Variants in ZDHHC14 observed in about 807,000 individuals in gnomAD.
ZDHHC14 encodes zDHHC palmitoyltransferase 14, also known as palmitoyltransferase ZDHHC14.
ZDHHC14 carries 16 observed loss-of-function variants against 47.7 expected under a neutral mutation model. That is an observed-to-expected ratio of 0.34 (90% CI 0.23 to 0.51). The LOEUF is 0.51. Among genes scored for constraint, ZDHHC14 ranks in the 20% least tolerant of loss-of-function variants. The probability of loss-of-function intolerance (pLI) is 0.97; values close to 1 mark genes in which losing one functional copy is unlikely to be tolerated. For synonymous variants in ZDHHC14, 293 were observed against 278.9 expected (o/e 1.05, Z -0.50); for missense variants, 515 against 662.5 (o/e 0.78, Z 2.44).
In ZDHHC14 at chr6:157,458,849, A is replaced by ATTTTTTTTTTTTTTTTTTTTTTTTTTT. The variant is rs750975822; in HGVS notation, c.245+76605_245+76606insTTTTTTTTTTTTTTTTTTTTTTTTTTT. ...TACAGGTACTAGCAAATGTGGGTGGATTTTTTTTTTTTTTTTTTTTTTGAG... is the reference window on the plus strand; with the variant it reads ...TACAGGTACTAGCAAATGTGGGTGGATTTTTTTTTTTTTTTTTTTTTTTTTTTTTTTTTTTTTTTTTTTTTTTTTGAG... On this transcript the variant is annotated intron_variant, in intron 1 of 8. Coordinates refer to ENST00000359775, the MANE Select transcript of ZDHHC14 (RefSeq NM_024630.3). Among the ~76,000 whole-genome samples, 55 of 81,212 alleles carry ATTTTTTTTTTTTTTTTTTTTTTTTTTT rather than the reference A, an allele frequency of 6.8e-4. 11 individuals carry two copies. The highest frequency in any genetic ancestry group is 9.6e-4 in the Non-Finnish European group (42 of 43,638). 53.3% of individuals were successfully genotyped at this position (81,212 alleles called of 152,430 possible).
chr6:157,420,974 C>G (rs1370784914), intron 1 of ZDHHC14, among the ~76,000 whole-genome samples: 2 of 152,308 alleles, frequency 1.3e-5, no homozygotes, highest in Admixed American at 6.5e-5. Flanking sequence ...CTGAGTTAAG[C>G]TAGCTTCAGT....
chr6:157,637,686 C>T (rs753248236), intron 5 of ZDHHC14, among the ~76,000 whole-genome samples: 14 of 152,156 alleles, frequency 9.2e-5, no homozygotes, highest in African/African-American at 1.9e-4. Flanking sequence ...ACCTCTGCAG[C>T]GTTTTCTCGG....
At chr6:157,441,352 A>G (rs1354897751) in intron 1 of ZDHHC14, among the ~76,000 whole-genome samples, 1 of 152,208 alleles carries the variant, frequency 6.6e-6, no homozygotes, top group Non-Finnish European at 1.5e-5. Context: ...CTTATTTCCA[A>G]ATTCTGTGAA....
chr6:157,395,248 C>T (rs191379340), intron 1 of ZDHHC14, among the ~76,000 whole-genome samples: 7 of 151,736 alleles, frequency 4.6e-5, no homozygotes, highest in African/African-American at 1.7e-4. Context: ...ACAGCCGTGA[C>T]CTGCTGGGCT....
At chr6:157,438,009 G>GT (rs1316124331) in intron 1 of ZDHHC14, among the ~76,000 whole-genome samples, 4 of 151,602 alleles carry the variant, frequency 2.6e-5, no homozygotes, top group East Asian at 1.9e-4. Context: ...GAACTATCAT[G>GT]TTTTTTTTAT....
chr6:157,642,023 A>AAGATAGATAGATAGATAGATAGAT (rs77223982), intron 5 of ZDHHC14, among the ~76,000 whole-genome samples: 1 of 146,608 alleles, frequency 6.8e-6, no homozygotes, highest in Non-Finnish European at 1.5e-5. Flanking sequence ...GTATATTTTG[A>AAGATAGATAGATAGATAGATAGAT]AGATAGATAG....
chr6:157,648,832 G>T (rs930011529), intron 7 of ZDHHC14, among the ~76,000 whole-genome samples: 1 of 152,206 alleles, frequency 6.6e-6, no homozygotes, highest in Non-Finnish European at 1.5e-5. Context: ...CCGCTGGCTT[G>T]TTTGTGACTA....
intron 8 of ZDHHC14, among the ~76,000 whole-genome samples, chr6:157,656,344 C>CTTTTTTTTTTTTT (rs139902125): frequency 1.2e-3 from 184 of 150,156 alleles, no homozygotes; most frequent in African/African-American, 4.2e-3. Flanking sequence ...CTTTTCTTTT[C>CTTTTTTTTTTTTT]TTTTTTTTGA....
chr6:157,420,505 C>T (rs971420516), intron 1 of ZDHHC14, among the ~76,000 whole-genome samples: 11 of 150,806 alleles, frequency 7.3e-5, no homozygotes, highest in Non-Finnish European at 1.6e-4. Flanking sequence ...TGGGCTGAAT[C>T]GAGGCACTAA....
chr6:157,614,451 G>A (rs2114928066), intron 3 of ZDHHC14, among the ~76,000 whole-genome samples: 1 of 151,920 alleles, frequency 6.6e-6, no homozygotes, highest in East Asian at 1.9e-4. Context: ...ACAGACATAG[G>A]TCTAACTGCT....
chr6:157,475,480 C>A (rs1779459420), intron 1 of ZDHHC14, among the ~76,000 whole-genome samples: 1 of 152,006 alleles, frequency 6.6e-6, no homozygotes, highest in African/African-American at 2.4e-5. Flanking sequence ...AATATTAATT[C>A]TTTCAATCCA....
chr6:157,429,006 C>T (rs34478031), intron 1 of ZDHHC14, among the ~76,000 whole-genome samples: 3 of 151,966 alleles, frequency 2.0e-5, no homozygotes, highest in Non-Finnish European at 4.4e-5. Context: ...AGTGTGTTTG[C>T]GATGAGTGAT....
Position 157,647,335 on chromosome 6 carries a change from G to A in ZDHHC14, c.932G>A (p.Cys311Tyr), listed in dbSNP as rs1272904740. 1 of 1,614,130 alleles carries A rather than the reference G, an allele frequency of 6.2e-7. No individual in the cohort carries two copies. Among genetic ancestry groups the A allele is most frequent in the Non-Finnish European group, 8.5e-7 (1 of 1,179,988 alleles). ...AGCTACGGAAATATCTTTACCAACTGCTGTGTTGCCCTGTGTGGGCCCATC... is the reference window on the plus strand; with the variant it reads ...AGCTACGGAAATATCTTTACCAACTACTGTGTTGCCCTGTGTGGGCCCATC... ...PYSYGNIFTN[C>Y]CVALCGPISP... Residue 311 changes from cysteine (C) to tyrosine (Y), a missense_variant, in exon 7 of 9, where the codon TGC becomes TAC. Around this residue, in one of 4 missense-constraint regions of ZDHHC14, gnomAD observed 229 missense variants for 351.5 expected, o/e 0.65. Transcript: ENST00000359775.
chr6:157,456,288 C>T (rs1017208714), intron 1 of ZDHHC14, among the ~76,000 whole-genome samples: 2 of 152,128 alleles, frequency 1.3e-5, no homozygotes, highest in South Asian at 4.1e-4. Context: ...TTAGCATTTT[C>T]GGTTGATTGG....
chr6:157,642,596 A>G (rs1394691019), intron 5 of ZDHHC14, among the ~76,000 whole-genome samples: 1 of 152,090 alleles, frequency 6.6e-6, no homozygotes, highest in African/African-American at 2.4e-5. Flanking sequence ...TGTGGGGGAG[A>G]CAGAGGTGCA....
chr6:157,652,464 A>G (rs1777884213), intron 7 of ZDHHC14, among the ~76,000 whole-genome samples: 1 of 152,068 alleles, frequency 6.6e-6, no homozygotes, highest in South Asian at 2.1e-4. Flanking sequence ...TGCTCCAGGG[A>G]TACTCACTTA....
intron 1 of ZDHHC14, among the ~76,000 whole-genome samples, chr6:157,484,924 C>A (rs149639283): frequency 6.6e-6 from 1 of 151,794 alleles, no homozygotes. Flanking sequence ...ATGGTGAAAC[C>A]CCATCTCTAC....
chr6:157,409,051 A>G (rs1490176235), intron 1 of ZDHHC14, among the ~76,000 whole-genome samples: 3 of 152,356 alleles, frequency 2.0e-5, no homozygotes, highest in Middle Eastern at 3.4e-3. Flanking sequence ...CTTAAGAGCT[A>G]CTGCGTGGCA....
intron 3 of ZDHHC14, among the ~76,000 whole-genome samples, chr6:157,597,058 C>G (rs956687375): frequency 1.3e-5 from 2 of 152,190 alleles, no homozygotes; most frequent in African/African-American, 4.8e-5. Flanking sequence ...GACTGTCTCT[C>G]TGGTTCTCTG....
Sources: gnomAD v4.1 joint callset for allele counts (sites outside exome capture counted in the v4.1 genomes callset) on GRCh38, gnomAD v4.1.1 for gene constraint, gnomAD v4.1.1 regional missense constraint, MANE v1.5 for transcripts, NCBI Gene and HGNC (gene_info 2026-07-23, HGNC 2026-07-21) for gene names.